ECPAS: variants seen among roughly 807,000 people sequenced by gnomAD.
ECPAS encodes proteasome adapter and scaffold protein ECM29.
ECPAS carries 70 observed loss-of-function variants against 255.1 expected under a neutral mutation model. The observed-to-expected ratio is 0.27, with a 90% CI of 0.23 to 0.33. The LOEUF is 0.33. Among genes scored for constraint, ECPAS ranks in the 10% least tolerant of loss-of-function variants. ECPAS has a pLI of 1.00. For synonymous variants in ECPAS, 784 were observed against 775.0 expected, an observed-to-expected ratio of 1.01 and a Z score of -0.19; for missense variants, 1,817 against 2,206.4, an observed-to-expected ratio of 0.82 and a Z score of 3.54.
intron 11 of ECPAS, 62 bp from the exon 12 acceptor site, chr9:111,425,558 GATGATTACA>G: frequency 8.3e-7 from 1 of 1,207,988 alleles, no homozygotes; most frequent in African/African-American, 1.5e-5. Context: ...TATCTTTACG[GATGATTACA>G]TAAAATAATG....
At chr9:111,418,399 A>G (rs866304007) in intron 16 of ECPAS, among the ~76,000 whole-genome samples, 11 of 151,932 alleles carry the variant, frequency 7.2e-5, no homozygotes, top group African/African-American at 2.7e-4. Flanking sequence ...TTACATCTCT[A>G]TGTATTCAGC....
chr9:111,377,198 G>C (rs1030460647), intron 36 of ECPAS, among the ~76,000 whole-genome samples: 1 of 152,188 alleles, frequency 6.6e-6, no homozygotes, highest in Admixed American at 6.5e-5. Flanking sequence ...AAAGGGTAAA[G>C]AGAGTAAGTT....
At chr9:111,387,523 G>A (rs199748953) in intron 31 of ECPAS, among the ~76,000 whole-genome samples, 8,125 of 151,104 alleles carry the variant, frequency 0.054, 456 homozygotes, top group African/African-American at 0.14. Flanking sequence ...GTTATTGAGG[G>A]ACAGAGTCTC....
Position 111,373,037 on chromosome 9 carries a change from A to C in ECPAS, c.4336+133T>G, listed in dbSNP as rs1377309641. 19 of 831,174 alleles carry C rather than the reference A, an allele frequency of 2.3e-5. No individual in the cohort carries two copies. The East Asian group carries it at 3.7e-4, about 16-fold the overall frequency. The allele number at this position is 831,174 out of a possible 1,614,324, so 51.5% of individuals were successfully genotyped here. On this transcript the variant is annotated intron_variant, in intron 41 of 49. Coordinates refer to ENST00000684092, the MANE Select transcript of ECPAS (RefSeq NM_001364929.1). Reference sequence around the variant, plus strand: ...ACAAAGCCAGACACCATCTCAAAAAAAAAGAAAAGAAAAGAAACAAATGTT... The same window carrying C: ...ACAAAGCCAGACACCATCTCAAAAACAAAGAAAAGAAAAGAAACAAATGTT...
chr9:111,414,357 T>A, intron 19 of ECPAS, 72 bp downstream of exon 19: 1 of 1,324,706 alleles, frequency 7.5e-7, no homozygotes, highest in Non-Finnish European at 1.1e-6. Flanking sequence ...TGCTATAAAT[T>A]CTTAGCAAAG....
intron 2 of ECPAS, among the ~76,000 whole-genome samples, chr9:111,464,942 G>A (rs1406587510): frequency 6.6e-6 from 1 of 152,152 alleles, no homozygotes; most frequent in East Asian, 1.9e-4. Context: ...CCAGCACTTT[G>A]GGAGGCCAAG....
chr9:111,472,234 C>T (rs183967633), intron 2 of ECPAS, among the ~76,000 whole-genome samples: 50 of 151,710 alleles, frequency 3.3e-4, no homozygotes, highest in African/African-American at 1.1e-3. Flanking sequence ...GGTGACACAG[C>T]GAGACCCTGT....
At chr9:111,374,974 T>C in intron 38 of ECPAS, 139 bp downstream of exon 38, 1 of 651,532 alleles carries the variant, frequency 1.5e-6, no homozygotes, top group Admixed American at 2.4e-5. Context: ...CAGTTATCAG[T>C]GCAACCACAG....
At chr9:111,435,941 G>C (rs2098237569) in intron 7 of ECPAS, among the ~76,000 whole-genome samples, 1 of 147,884 alleles carries the variant, frequency 6.8e-6, no homozygotes, top group Non-Finnish European at 1.5e-5. Flanking sequence ...GCCCACTTTG[G>C]CCTCCCAAAG....
intron 24 of ECPAS, among the ~76,000 whole-genome samples, chr9:111,399,441 C>G (rs570094608): frequency 3.9e-5 from 6 of 152,198 alleles, no homozygotes; most frequent in Non-Finnish European, 8.8e-5. Context: ...TTGGGTGAAG[C>G]AGAGCAAAAT....
At chr9:111,467,850 G>T (rs911110668) in intron 2 of ECPAS, among the ~76,000 whole-genome samples, 8 of 152,126 alleles carry the variant, frequency 5.3e-5, no homozygotes, top group African/African-American at 1.9e-4. Context: ...TGCACTTATA[G>T]ATGCATTTAT....
Position 111,451,408 on chromosome 9 carries a change from T to C in ECPAS, c.153+17A>G. ...TTATTCATCATTTAATTCCCCCAGC[T>C]GTCCCAACATGCTTACCTTTTTACG... On this transcript the variant is annotated intron_variant, in intron 3 of 49. Transcript: ENST00000684092. The C allele has an allele frequency of 6.4e-7, 1 of 1,559,662 alleles. No individual in the cohort carries two copies. The highest frequency in any genetic ancestry group is 1.2e-5 in the South Asian group (1 of 83,574).
chr9:111,463,727 A>G (rs2098275933), intron 2 of ECPAS, among the ~76,000 whole-genome samples: 1 of 152,208 alleles, frequency 6.6e-6, no homozygotes, highest in Non-Finnish European at 1.5e-5. Context: ...TGCCATTAAG[A>G]ATCAGAGAAC....
Position 111,391,776 on chromosome 9 carries a change from A to T in ECPAS, c.3141T>A (p.Ala1047=). ...CTTACCCATCTGGTGTTTTGCCAAG[A>T]GCTCCCCCTTGAAATACCACTGTCT... ...SGETVVFQGG[A]LGKTPDGQGL... Residue 1047 remains alanine (A), a synonymous_variant, in exon 29 of 50, where the codon GCT becomes GCA. Transcript: ENST00000684092. The T allele has an allele frequency of 1.2e-6, 2 of 1,608,734 alleles. No homozygotes were observed. Among genetic ancestry groups the T allele is most frequent in the South Asian group, 2.2e-5 (2 of 90,294 alleles).
In ECPAS at chr9:111,414,645, G is replaced by C. The variant is rs764489151; in HGVS notation, c.1771C>G (p.Leu591Val). 1.2e-6 allele frequency: 2 copies of C among 1,610,370 alleles called. No individual in the cohort carries two copies. Among genetic ancestry groups the C allele is most frequent in the Admixed American group, 1.7e-5 (1 of 59,960 alleles). Residue 591 changes from leucine (L) to valine (V), a missense_variant, in exon 19 of 50, where the codon CTG (leucine) becomes GTG (valine). Transcript: ENST00000684092. Reference sequence around the variant, plus strand: ...TGCGCAAGGCACATGCGCAAGTACAGAACGATCTACAAACAGAACGGAGAG... The same window carrying C: ...TGCGCAAGGCACATGCGCAAGTACACAACGATCTACAAACAGAACGGAGAG... ...FNPAAFGEIV[L>V]YLRMCLAHSA...
chr9:111,397,431 T>C (rs193291638), intron 24 of ECPAS, among the ~76,000 whole-genome samples: 191 of 152,290 alleles, frequency 1.3e-3, no homozygotes, highest in Non-Finnish European at 7.5e-4. Context: ...GGAAGCATAA[T>C]ATGGTTCACC....
Position 111,393,737 on chromosome 9 carries a change from G to T in ECPAS, c.2923-3C>A. ...CTTTGAATTTCTTTAAGATGAGACT[G>T]AAAGAAGAAAAAAGGCATTAGAACA... On this transcript the variant is annotated splice_polypyrimidine_tract_variant and splice_region_variant and intron_variant, in intron 26 of 49. Transcript: ENST00000684092. The T allele has an allele frequency of 6.3e-7, 1 of 1,576,960 alleles. No homozygotes were observed. The highest frequency in any genetic ancestry group is 8.7e-7 in the Non-Finnish European group (1 of 1,149,408).
chr9:111,464,673 G>A (rs2098277190), intron 2 of ECPAS, among the ~76,000 whole-genome samples: 1 of 152,058 alleles, frequency 6.6e-6, no homozygotes, highest in African/African-American at 2.4e-5. Context: ...AAAATAAGCT[G>A]CAGAAGGATA....
At position 111,372,588 on chromosome 9, in the gene ECPAS, T is replaced by C. The variant is rs757324093; in HGVS notation, c.4369A>G (p.Ile1457Val). The change falls in exon 42 of 50, where the codon ATT (isoleucine) becomes GTT (valine). Residue 1457 changes from isoleucine to valine, a missense_variant. Physicochemically the swap from Ile to Val is conservative, Grantham distance 29 (BLOSUM62 3). This residue lies in a region of ECPAS where 960 missense variants were observed against 1,179.0 expected (regional missense o/e 0.81). Transcript: ENST00000684092. ...GGGCTGTATCGTCCAATAGCATGAA[T>C]AGTCAAAGCACAAGAGGTCTTGTAG... is the stretch of plus-strand genomic sequence containing the variant. ...PIYKTSCALT[I>V]HAIGRYSPDV... 10 of 1,613,314 alleles carry C rather than the reference T, an allele frequency of 6.2e-6. No individual in the cohort carries two copies. The Admixed American group carries it at 8.3e-5, about 13-fold the overall frequency.
Sources: allele counts gnomAD v4.1 joint callset (sites outside exome capture counted in the v4.1 genomes callset), GRCh38; gene constraint gnomAD v4.1.1; regional missense constraint gnomAD v4.1.1; transcripts MANE v1.5; gene names NCBI Gene and HGNC (gene_info 2026-07-23, HGNC 2026-07-21).